The following C1GALT1 variants were observed in gnomAD, a reference collection of about 807,000 sequenced individuals.
C1GALT1 encodes the protein glycoprotein-N-acetylgalactosamine 3-beta-galactosyltransferase 1.
A neutral mutation model predicts 31.0 loss-of-function variants in C1GALT1; 11 were observed. The observed-to-expected ratio is 0.36, with a 90% confidence interval of 0.22 to 0.59. C1GALT1 has a LOEUF of 0.59. Ranked by LOEUF, C1GALT1 falls within the 20% of genes least tolerant of loss-of-function variation. C1GALT1 has a pLI of 0.79. For missense variants in C1GALT1, 424 were observed against 425.2 expected, an observed-to-expected ratio of 1.00 and a Z score of 0.03; for synonymous variants, 175 against 143.6, an observed-to-expected ratio of 1.22 and a Z score of -1.56.
intron 1 of C1GALT1, chr7:7,183,577 C>T (rs1345884832): frequency 5.1e-6 from 5 of 985,036 alleles, no homozygotes; most frequent in Non-Finnish European, 6.0e-6. Flanking sequence ...ACAAGTTGTC[C>T]ATTTGCTTTG....
chr7:7,205,483 C>T (rs1781700815), intron 1 of C1GALT1, among the ~76,000 whole-genome samples: 1 of 152,038 alleles, frequency 6.6e-6, no homozygotes, highest in African/African-American at 2.4e-5. Context: ...TGCCTTCATT[C>T]TTGTCGTCTT....
chr7:7,182,885 C>A (rs907846172), intron 1 of C1GALT1, 65 bp downstream of exon 1: 38 of 978,140 alleles, frequency 3.9e-5, no homozygotes, highest in Non-Finnish European at 4.4e-5. Flanking sequence ...GCCCTCCCCC[C>A]TCTCCGGGTT....
Position 7,159,692 on chromosome 7 carries a change from C to T in C1GALT1, c.-18+2266C>T, listed in dbSNP as rs373077144. 7.2e-5 allele frequency among the ~76,000 whole-genome samples: 11 copies of T among 152,138 alleles called. No individual in the cohort carries two copies. The East Asian group carries it at 1.9e-3, about 27-fold the overall frequency. ...CCTTTGGAAAGTCACTATTTTTACA[C>T]GTAGATTTTCTTTATCTGCAATCTT... On this transcript the variant is annotated intron_variant, in intron 2 of 3. Coordinates refer to the C1GALT1 transcript ENST00000429911.
chr7:7,219,946 A>G (rs6463663), intron 1 of C1GALT1, among the ~76,000 whole-genome samples: 61,653 of 152,088 alleles, frequency 0.41, 12,957 homozygotes, highest in East Asian at 0.55. Context: ...CTTAGTGGGT[A>G]TATCTTAATT....
intron 1 of C1GALT1, among the ~76,000 whole-genome samples, chr7:7,218,189 C>T (rs990756988): frequency 3.9e-5 from 6 of 152,040 alleles, no homozygotes; most frequent in African/African-American, 1.2e-4. Flanking sequence ...AGGCCAGGCA[C>T]TCCAGTCATA....
At chr7:7,201,791 C>G (rs759386566) in intron 1 of C1GALT1, among the ~76,000 whole-genome samples, 6 of 152,202 alleles carry the variant, frequency 3.9e-5, no homozygotes, top group Non-Finnish European at 7.4e-5. Context: ...TCAGGTTTCA[C>G]GCTTCCCTAC....
chr7:7,164,644 G>A (rs911151506), intron 2 of C1GALT1, among the ~76,000 whole-genome samples: 3 of 152,118 alleles, frequency 2.0e-5, no homozygotes, highest in African/African-American at 7.2e-5. Context: ...CAGTCAACCC[G>A]ACGAGGAACT....
intron 1 of C1GALT1, among the ~76,000 whole-genome samples, chr7:7,199,469 G>C (rs941049058): frequency 6.6e-6 from 1 of 152,118 alleles, no homozygotes; most frequent in African/African-American, 2.4e-5. Flanking sequence ...TATGTGGTAA[G>C]TTTTGGAATA....
chr7:7,178,243 G>T, upstream of C1GALT1: 1 of 231,150 alleles, frequency 4.3e-6, no homozygotes, highest in South Asian at 7.8e-5. Flanking sequence ...AATGTAGACA[G>T]ACCTGTTGGC....
intron 3 of C1GALT1, among the ~76,000 whole-genome samples, chr7:7,239,219 G>A (rs556062406): frequency 6.6e-6 from 1 of 152,292 alleles, no homozygotes; most frequent in East Asian, 1.9e-4. Flanking sequence ...GAGATATACA[G>A]TAAACAGGCA....
At chr7:7,227,774 G>A (rs1156769341) in intron 1 of C1GALT1, among the ~76,000 whole-genome samples, 2 of 151,480 alleles carry the variant, frequency 1.3e-5, no homozygotes, top group South Asian at 2.1e-4. Flanking sequence ...GTTAGCATGC[G>A]TATCCCTCAT....
At chr7:7,215,123 G>A (rs1483067323) in intron 1 of C1GALT1, among the ~76,000 whole-genome samples, 1 of 152,150 alleles carries the variant, frequency 6.6e-6, no homozygotes, top group Non-Finnish European at 1.5e-5. Context: ...GTTACAGATC[G>A]TGTTCCCAAG....
At chr7:7,197,897 A>T (rs1233058258) in intron 1 of C1GALT1, among the ~76,000 whole-genome samples, 5 of 152,208 alleles carry the variant, frequency 3.3e-5, no homozygotes, top group Non-Finnish European at 7.3e-5. Context: ...TTGTATCCTG[A>T]GACTTTGCTG....
At chr7:7,185,005 G>A (rs1780749002) in intron 1 of C1GALT1, among the ~76,000 whole-genome samples, 2 of 152,178 alleles carry the variant, frequency 1.3e-5, no homozygotes, top group Non-Finnish European at 1.5e-5. Context: ...GAACTCCAAT[G>A]TGTACTTAAA....
At chr7:7,179,637 C>A (rs902363804), upstream of C1GALT1, among the ~76,000 whole-genome samples, 2 of 152,096 alleles carry the variant, frequency 1.3e-5, no homozygotes, top group African/African-American at 4.8e-5. Flanking sequence ...TTGATACTTA[C>A]AACAGACAAT....
chr7:7,197,880 A>G (rs1781367814), intron 1 of C1GALT1, among the ~76,000 whole-genome samples: 1 of 152,194 alleles, frequency 6.6e-6, no homozygotes, highest in Non-Finnish European at 1.5e-5. Flanking sequence ...ATTTTTGCAC[A>G]TTGATTTTGT....
At chr7:7,165,873 A>G (rs1223115838) in intron 2 of C1GALT1, among the ~76,000 whole-genome samples, 1 of 152,162 alleles carries the variant, frequency 6.6e-6, no homozygotes, top group African/African-American at 2.4e-5. Context: ...CATGCACAAA[A>G]TTTTTGAAAA....
chr7:7,236,224 T>C (rs917857755), intron 2 of C1GALT1, among the ~76,000 whole-genome samples: 11 of 152,122 alleles, frequency 7.2e-5, no homozygotes, highest in African/African-American at 1.9e-4. Flanking sequence ...AGGAAATGTG[T>C]CTTACTCATT....
intron 1 of C1GALT1, among the ~76,000 whole-genome samples, chr7:7,200,267 G>A (rs1047312489): frequency 3.3e-5 from 5 of 152,100 alleles, no homozygotes; most frequent in African/African-American, 1.2e-4. Context: ...ATTTGCTTGT[G>A]TGTAAAGGAT....
Sources: allele counts gnomAD v4.1 joint callset (sites outside exome capture counted in the v4.1 genomes callset), GRCh38; gene constraint gnomAD v4.1.1; transcripts MANE v1.5; gene names NCBI Gene and HGNC (gene_info 2026-07-23, HGNC 2026-07-21).